GPHN: variants seen among roughly 807,000 people sequenced by gnomAD.
The protein encoded by GPHN is gephyrin.
Under a neutral mutation model 95.5 loss-of-function variants are expected in GPHN, and 17 were observed. That is an observed-to-expected ratio of 0.18 (90% CI 0.12 to 0.27). The LOEUF (loss-of-function observed/expected upper bound fraction) is 0.27, where lower values mean the gene tolerates loss of function less well. Ranked by LOEUF, GPHN falls within the 10% of genes least tolerant of loss-of-function variation. GPHN has a pLI of 1.00. For missense variants in GPHN, 660 were observed against 978.1 expected (o/e 0.67, Z 4.34); for synonymous variants, 320 against 322.5 (o/e 0.99, Z 0.08).
chr14:67,282,123 T>A, the GPHN span, among the ~76,000 whole-genome samples: 11 of 152,296 alleles, frequency 7.2e-5, no homozygotes, highest in East Asian at 2.1e-3. Context: ...TAGCATAAGG[T>A]ATAGTTTGCT....
At chr14:67,230,564 C>T in the GPHN span, among the ~76,000 whole-genome samples, 2 of 151,652 alleles carry the variant, frequency 1.3e-5, no homozygotes, top group East Asian at 1.9e-4. Flanking sequence ...AGAGCAAGAC[C>T]CTCTCTCAAG....
chr14:66,549,702 C>T (rs917764287), intron 1 of GPHN, among the ~76,000 whole-genome samples: 2 of 152,050 alleles, frequency 1.3e-5, no homozygotes, highest in African/African-American at 4.8e-5. Flanking sequence ...CATCTAGTGT[C>T]TTCATAGCTA....
intron 3 of GPHN, among the ~76,000 whole-genome samples, chr14:66,811,701 T>A (rs1179621173): frequency 6.6e-6 from 1 of 152,242 alleles, no homozygotes; most frequent in Non-Finnish European, 1.5e-5. Flanking sequence ...TTTTGCATAT[T>A]GCATATTCTA....
At chr14:67,063,970 T>C (rs1205039016) in intron 11 of GPHN, among the ~76,000 whole-genome samples, 2 of 152,332 alleles carry the variant, frequency 1.3e-5, no homozygotes, top group Admixed American at 6.5e-5. Context: ...CAACACCATG[T>C]TGAATAGGAG....
At chr14:67,305,075 C>G in the GPHN span, among the ~76,000 whole-genome samples, 1 of 152,212 alleles carries the variant, frequency 6.6e-6, no homozygotes, top group South Asian at 2.1e-4. Context: ...TATAGTTTGT[C>G]TTTGAATTTA....
the GPHN span, among the ~76,000 whole-genome samples, chr14:67,448,957 T>C: frequency 0.026 from 3,999 of 152,286 alleles, 74 homozygotes; most frequent in Non-Finnish European, 0.037. Flanking sequence ...AGGGGAATAC[T>C]GTGACACTCC....
At chr14:67,132,639 T>A (rs980726017) in intron 17 of GPHN, among the ~76,000 whole-genome samples, 2 of 152,094 alleles carry the variant, frequency 1.3e-5, no homozygotes, top group South Asian at 4.1e-4. Flanking sequence ...TTTATGTAGC[T>A]GTTAGAGTTG....
the GPHN span, among the ~76,000 whole-genome samples, chr14:67,217,382 G>A: frequency 1.3e-5 from 2 of 152,214 alleles, no homozygotes; most frequent in East Asian, 3.9e-4. Context: ...TATCTTTTAA[G>A]CAGGGAATTT....
the GPHN span, among the ~76,000 whole-genome samples, chr14:67,525,599 C>T: frequency 8.5e-5 from 13 of 152,142 alleles, no homozygotes; most frequent in Non-Finnish European, 1.3e-4. Flanking sequence ...GCCATGTCAG[C>T]GAAAGGAGAT....
chr14:66,616,580 G>T (rs1166009047), intron 1 of GPHN, among the ~76,000 whole-genome samples: 1 of 152,094 alleles, frequency 6.6e-6, no homozygotes, highest in East Asian at 1.9e-4. Context: ...GCAAAGATGG[G>T]TGCCTGCTCC....
At chr14:66,949,074 T>C (rs971687704) in intron 8 of GPHN, among the ~76,000 whole-genome samples, 1 of 152,130 alleles carries the variant, frequency 6.6e-6, no homozygotes. Context: ...GTAATCAATC[T>C]TTTTTGTTCT....
the GPHN span, chr14:67,199,070 C>A: frequency 4.6e-6 from 4 of 878,024 alleles, no homozygotes; most frequent in South Asian, 1.4e-5. Context: ...CCATGGCTAC[C>A]AGGCCGATCT....
At chr14:66,950,751 T>C (rs138763594) in intron 8 of GPHN, among the ~76,000 whole-genome samples, 14 of 152,234 alleles carry the variant, frequency 9.2e-5, no homozygotes, top group Admixed American at 7.2e-4. Context: ...AAATGAAACA[T>C]AGATAAGATT....
chr14:67,298,372 G>A, the GPHN span, among the ~76,000 whole-genome samples: 1 of 151,974 alleles, frequency 6.6e-6, no homozygotes, highest in Non-Finnish European at 1.5e-5. Context: ...AAAACTAGTT[G>A]GGTGTGGTGG....
At chr14:66,940,854 G>T (rs1317072170) in intron 8 of GPHN, among the ~76,000 whole-genome samples, 1 of 152,156 alleles carries the variant, frequency 6.6e-6, no homozygotes, top group African/African-American at 2.4e-5. Flanking sequence ...TGAAGCTGTG[G>T]AATTGAGTCC....
At chr14:67,126,035 A>G (rs1032016996) in intron 17 of GPHN, among the ~76,000 whole-genome samples, 2 of 152,186 alleles carry the variant, frequency 1.3e-5, no homozygotes, top group Non-Finnish European at 2.9e-5. Flanking sequence ...TTTATTTTAA[A>G]AGGTTAATTT....
the GPHN span, among the ~76,000 whole-genome samples, chr14:67,243,489 AT>A: frequency 0.17 from 17,059 of 100,090 alleles, 955 homozygotes; most frequent in East Asian, 0.36. Flanking sequence ...CCAGAATATA[AT>A]TTTTTTTTTT....
the GPHN span, chr14:67,376,287 T>C: frequency 1.3e-6 from 1 of 753,986 alleles, no homozygotes; most frequent in South Asian, 2.1e-5. Flanking sequence ...CTATCTCTAC[T>C]TTTTATACCC....
the GPHN span, among the ~76,000 whole-genome samples, chr14:67,602,169 G>A: frequency 7.9e-5 from 12 of 152,208 alleles, no homozygotes; most frequent in Non-Finnish European, 1.6e-4. Flanking sequence ...GGCTGGCAAG[G>A]CCTCAGGAAA....
Sources: allele counts gnomAD v4.1 joint callset (sites outside exome capture counted in the v4.1 genomes callset), GRCh38; gene constraint gnomAD v4.1.1; transcripts MANE v1.5; gene names NCBI Gene and HGNC (gene_info 2026-07-23, HGNC 2026-07-21).